DAPK1: variants seen among roughly 807,000 people sequenced by gnomAD.
DAPK1 encodes the protein death associated protein kinase 1.
A neutral mutation model predicts 144.9 loss-of-function variants in DAPK1; 56 were observed. That is an observed-to-expected ratio of 0.39 (90% CI 0.31 to 0.48). The LOEUF is 0.48. Among genes scored for constraint, DAPK1 ranks in the 20% least tolerant of loss-of-function variants. The pLI is 0.95. For missense variants in DAPK1, 1,454 were observed against 1,875.4 expected (o/e 0.78, Z 4.15); for synonymous variants, 690 against 749.0 (o/e 0.92, Z 1.29).
intron 2 of DAPK1, among the ~76,000 whole-genome samples, chr9:87,543,752 T>TGTAA (rs1826137085): frequency 6.6e-6 from 1 of 152,224 alleles, no homozygotes; most frequent in Non-Finnish European, 1.5e-5. Flanking sequence ...CTTATGGTTC[T>TGTAA]GTAAGATGGA....
In DAPK1 at chr9:87,516,481, C is replaced by T. The variant is rs551213909; in HGVS notation, c.62+17342C>T. ...CTATCTGACCTTGCTTCCCCCTGCT[C>T]TGTCCCAAGGGTGATATCCTGCTTG... On this transcript the variant is annotated intron_variant, in intron 2 of 25. Transcript: ENST00000408954. 2.6e-5 allele frequency among the ~76,000 whole-genome samples: 4 copies of T among 152,250 alleles called. No homozygotes were observed. In the East Asian group the frequency reaches 7.7e-4, roughly 29 times the overall value.
At chr9:87,557,569 A>G (rs1826764259) in intron 2 of DAPK1, among the ~76,000 whole-genome samples, 1 of 152,050 alleles carries the variant, frequency 6.6e-6, no homozygotes, top group South Asian at 2.1e-4. Flanking sequence ...TCTATCTCTT[A>G]CAGAACCCCC....
intron 2 of DAPK1, among the ~76,000 whole-genome samples, chr9:87,530,320 C>T (rs978373832): frequency 6.6e-6 from 1 of 152,198 alleles, no homozygotes; most frequent in African/African-American, 2.4e-5. Context: ...AAAGACACTG[C>T]CTAACCAACA....
At position 87,681,636 on chromosome 9, in the gene DAPK1, TC is replaced by T; in HGVS notation, c.2224+12del. ...GCTTCTAAGCCCACAGGTAGGAACCTCCATGCTGGCCCCGTCTCTCCAGCAG... is the reference window on the plus strand; with the variant it reads ...GCTTCTAAGCCCACAGGTAGGAACCTCATGCTGGCCCCGTCTCTCCAGCAG... On this transcript the variant is annotated intron_variant, in intron 20 of 25. Coordinates refer to ENST00000408954, the MANE Select transcript of DAPK1 (RefSeq NM_004938.4). 7.3e-7 allele frequency: 1 copy of T among 1,373,340 alleles called. No homozygotes were observed. Among genetic ancestry groups the T allele is most frequent in the Non-Finnish European group, 1.0e-6 (1 of 960,776 alleles). 85.1% of individuals were successfully genotyped at this position (1,373,340 alleles called of 1,614,324 possible). A position where few individuals can be genotyped will look rare whatever the true frequency, so the allele number is the denominator to read the frequency against.
intron 13 of DAPK1, 109 bp from the exon 14 acceptor site, chr9:87,647,196 C>G: frequency 2.3e-6 from 2 of 875,856 alleles, no homozygotes; most frequent in South Asian, 1.4e-5. Context: ...AGTTGCTCCT[C>G]TGGGGTTTGT....
Position 87,591,188 on chromosome 9 carries a change from G to C in DAPK1, c.63-13766G>C, listed in dbSNP as rs7029649. The stretch of plus-strand genomic sequence containing the variant: ...TTTGTCAATGGCCCATGTGAGGTCC[G>C]TCCTGTACTTTTGCTTTTCAGATGA... On this transcript the variant is annotated intron_variant, in intron 2 of 25. Coordinates refer to ENST00000408954, the MANE Select transcript of DAPK1 (RefSeq NM_004938.4). 2.6e-5 allele frequency among the ~76,000 whole-genome samples: 4 copies of C among 152,302 alleles called. No homozygotes were observed. In the East Asian group the frequency reaches 5.8e-4, roughly 22 times the overall value.
intron 2 of DAPK1, among the ~76,000 whole-genome samples, chr9:87,569,121 T>C (rs1019473115): frequency 1.3e-5 from 2 of 152,218 alleles, no homozygotes; most frequent in Non-Finnish European, 2.9e-5. Flanking sequence ...GGAATCCCTC[T>C]GAACTTTAAA....
intron 2 of DAPK1, among the ~76,000 whole-genome samples, chr9:87,592,415 A>G (rs1196049640): frequency 6.6e-6 from 1 of 152,228 alleles, no homozygotes; most frequent in Non-Finnish European, 1.5e-5. Context: ...CATATCCCAT[A>G]GAAGTCATAT....
chr9:87,575,277 T>TAAA, intron 2 of DAPK1, among the ~76,000 whole-genome samples: 1 of 130,692 alleles, frequency 7.7e-6, no homozygotes, highest in Non-Finnish European at 1.8e-5. Flanking sequence ...AAAATAAAGG[T>TAAA]AAAAGGCAAG....
Position 87,698,683 on chromosome 9 carries a change from T to C in DAPK1, c.2639T>C (p.Leu880Pro). 6.2e-7 allele frequency: 1 copy of C among 1,606,088 alleles called. No homozygotes were observed. The highest frequency in any genetic ancestry group is 2.2e-5 in the East Asian group (1 of 44,840). The part of the protein sequence containing the change: ...IAFGGKLKNP[L>P]QVVLVATHAD... The stretch of plus-strand genomic sequence containing the variant: ...TTCGGTGGCAAGCTGAAGAACCCAC[T>C]CCAAGTTGTCCTGGTGGCCACCCAC... Residue 880 changes from leucine to proline, a missense_variant, in exon 23 of 26, where the codon CTC becomes CCC. By Grantham distance (98) the Leu-to-Pro change is moderately conservative. Around this residue, in one of 2 missense-constraint regions of DAPK1, gnomAD observed 1,025 missense variants for 1,237.9 expected, o/e 0.83. Coordinates refer to ENST00000408954, the MANE Select transcript of DAPK1 (RefSeq NM_004938.4).
At chr9:87,621,002 G>A (rs1829275392) in intron 3 of DAPK1, among the ~76,000 whole-genome samples, 1 of 152,204 alleles carries the variant, frequency 6.6e-6, no homozygotes, top group Non-Finnish European at 1.5e-5. Flanking sequence ...CACTCTGGCT[G>A]TTAAGTGTCT....
rs1437132935 is a variant in DAPK1, at chr9:87,706,882, A to G, written c.3811A>G (p.Thr1271Ala). 1 of 1,613,840 alleles carries G rather than the reference A, an allele frequency of 6.2e-7. No homozygotes were observed. Among genetic ancestry groups the G allele is most frequent in the Admixed American group, 1.7e-5 (1 of 60,006 alleles). ...TCTGAAGGAAACCTCACTGACCAAC[A>G]CCATGGGGGGGTACAAGGAAAGCTT... ...QTLKETSLTN[T>A]MGGYKESFSS... Residue 1271 changes from threonine to alanine, a missense_variant, in exon 26 of 26, where the codon ACC becomes GCC. Physicochemically the swap from Thr to Ala is moderately conservative, Grantham distance 58. Coordinates refer to ENST00000408954, the MANE Select transcript of DAPK1 (RefSeq NM_004938.4). The surrounding 1 kb of genome is among the most constrained non-coding windows in gnomAD (Gnocchi z 9.0).
intron 2 of DAPK1, among the ~76,000 whole-genome samples, chr9:87,549,441 G>A (rs886413195): frequency 6.6e-6 from 1 of 152,116 alleles, no homozygotes; most frequent in African/African-American, 2.4e-5. Context: ...TTTGTATGGG[G>A]GGGTTATATA....
Position 87,640,280 on chromosome 9 carries a change from C to T in DAPK1, c.630-18C>T. 1 of 1,608,950 alleles carries T rather than the reference C, an allele frequency of 6.2e-7. No homozygotes were observed. The highest frequency in any genetic ancestry group is 8.5e-7 in the Non-Finnish European group (1 of 1,177,642). On this transcript the variant is annotated intron_variant, in intron 7 of 25. Transcript: ENST00000408954. ...GGGGTCATCATTAATGTTCTATGCCCAACTTTATTTTTAACAGCCTAAGTG... is the reference window on the plus strand; with the variant it reads ...GGGGTCATCATTAATGTTCTATGCCTAACTTTATTTTTAACAGCCTAAGTG...
At chr9:87,648,650 C>T in intron 14 of DAPK1, 131 bp from the exon 15 acceptor site, 5 of 750,420 alleles carry the variant, frequency 6.7e-6, no homozygotes, top group Non-Finnish European at 1.1e-5. Flanking sequence ...GGGGCATCTG[C>T]CCAAGGTGGG....
intron 3 of DAPK1, among the ~76,000 whole-genome samples, chr9:87,614,536 A>C (rs1293327226): frequency 6.6e-6 from 1 of 152,018 alleles, no homozygotes; most frequent in Admixed American, 6.6e-5. Flanking sequence ...GGTCCTGCAA[A>C]TTGTTCATAC....
chr9:87,548,913 C>CTTTTTTTTCTTTT (rs1826364075), intron 2 of DAPK1, among the ~76,000 whole-genome samples: 1 of 63,846 alleles, frequency 1.6e-5, no homozygotes, highest in Non-Finnish European at 2.6e-5. Flanking sequence ...GATTTCATTC[C>CTTTTTTTTCTTTT]TTTTTTTTTT....
intron 3 of DAPK1, among the ~76,000 whole-genome samples, chr9:87,629,842 T>A (rs1829608704): frequency 6.6e-6 from 1 of 152,200 alleles, no homozygotes; most frequent in African/African-American, 2.4e-5. Flanking sequence ...AAATCCCCCT[T>A]CCCTTGGATC....
At chr9:87,627,012 TG>T (rs1829515552) in intron 3 of DAPK1, among the ~76,000 whole-genome samples, 1 of 152,092 alleles carries the variant, frequency 6.6e-6, no homozygotes, top group Non-Finnish European at 1.5e-5. Flanking sequence ...GTTTTATAGC[TG>T]GATGTTTAAA....
Sources: allele counts gnomAD v4.1 joint callset (sites outside exome capture counted in the v4.1 genomes callset), GRCh38; gene constraint gnomAD v4.1.1; regional missense constraint gnomAD v4.1.1; non-coding constraint Gnocchi (gnomAD v3.1); transcripts MANE v1.5; gene names NCBI Gene and HGNC (gene_info 2026-07-23, HGNC 2026-07-21).